Variants in WNT2B observed in about 807,000 individuals in gnomAD.
WNT2B encodes the protein Wnt family member 2B.
WNT2B carries 19 observed loss-of-function variants against 40.5 expected under a neutral mutation model. The ratio of observed to expected loss-of-function variants is 0.47; its 90% CI spans 0.33 to 0.69. The LOEUF is 0.69. Ranked by LOEUF, WNT2B falls within the 30% of genes least tolerant of loss-of-function variation. The pLI is 0.02. For synonymous variants in WNT2B, 220 were observed against 211.9 expected, an observed-to-expected ratio of 1.04 and a Z score of -0.33; for missense variants, 467 against 556.4, an observed-to-expected ratio of 0.84 and a Z score of 1.62.
At chr1:112,478,795 C>T (rs1557907694) in intron 1 of WNT2B, among the ~76,000 whole-genome samples, 1 of 152,108 alleles carries the variant, frequency 6.6e-6, no homozygotes, top group Non-Finnish European at 1.5e-5. Context: ...TGGTGACACA[C>T]TCCTGTAGTC....
Position 112,529,422 on chromosome 1 carries a change from A to G in WNT2B, c.*8913A>G, listed in dbSNP as rs988488848. On this transcript the variant is annotated 3_prime_UTR_variant, in exon 5 of 5. Coordinates refer to ENST00000369684, the MANE Select transcript of WNT2B (RefSeq NM_024494.3). ...TGACAGCACTATGAATTCATTAAGA[A>G]GCATGTTTCAGGTTGCACTGTAATT... The G allele has an allele frequency of 2.0e-5, 3 of 152,216 alleles. No individual in the cohort carries two copies. Among genetic ancestry groups the G allele is most frequent in the African/African-American group, 7.2e-5 (3 of 41,452 alleles). The allele number at this position is 152,216 out of a possible 1,614,324, so 9.4% of individuals were successfully genotyped here.
At chr1:112,474,107 A>G (rs929660154) in intron 1 of WNT2B, among the ~76,000 whole-genome samples, 2 of 151,854 alleles carry the variant, frequency 1.3e-5, no homozygotes, top group African/African-American at 4.8e-5. Context: ...AAGAAACATC[A>G]TAATCAAAAA....
At chr1:112,517,713 C>CTCTG (rs1652630146) in intron 4 of WNT2B, 2 of 256,364 alleles carry the variant, frequency 7.8e-6, no homozygotes, top group South Asian at 2.2e-4. Context: ...GTGGGCTGCA[C>CTCTG]AGAAACATAA....
rs770003431 is a variant in WNT2B at position 112,516,129 on chromosome 1, T to A, written c.404-11T>A. 1.9e-6 allele frequency: 3 copies of A among 1,604,670 alleles called. No individual in the cohort carries two copies. In the South Asian group the frequency reaches 3.3e-5, roughly 18 times the overall value. On this transcript the variant is annotated splice_polypyrimidine_tract_variant and intron_variant, in intron 2 of 4. Transcript: ENST00000369684. ...CTTTCCTGAAGCACACCTCTACAAT[T>A]CTCTCTCTAGGTAGCCGAGAGGCAG...
intron 1 of WNT2B, among the ~76,000 whole-genome samples, chr1:112,491,935 G>A (rs984565703): frequency 6.6e-6 from 1 of 152,044 alleles, no homozygotes; most frequent in African/African-American, 2.4e-5. Context: ...GTTCATAAAT[G>A]TATTAGGGAA....
At position 112,509,741 on chromosome 1, in the gene WNT2B, G is replaced by A. The variant is rs2101082527; in HGVS notation, c.182+297G>A. ...TCAGCTCAAGCCCCTTAGGGCAGAA[G>A]CTACCTTCCGAGTTTCCCTCAGGGT... On this transcript the variant is annotated intron_variant, in intron 1 of 4. Coordinates refer to ENST00000369684, the MANE Select transcript of WNT2B (RefSeq NM_024494.3). The surrounding 1 kb of genome is among the most constrained non-coding windows in gnomAD (Gnocchi z 4.2). Among the ~76,000 whole-genome samples, 1 of 152,322 alleles carries A rather than the reference G, an allele frequency of 6.6e-6. No homozygotes were observed. Among genetic ancestry groups the A allele is most frequent in the South Asian group, 2.1e-4 (1 of 4,830 alleles).
chr1:112,519,584 C>T (rs1264204203), intron 4 of WNT2B, among the ~76,000 whole-genome samples: 1 of 152,058 alleles, frequency 6.6e-6, no homozygotes, highest in Non-Finnish European at 1.5e-5. Flanking sequence ...AAAACATGAT[C>T]CCTATCCTAG....
chr1:112,495,588 C>CAAAAAAAAAAA (rs1172484242), intron 1 of WNT2B, among the ~76,000 whole-genome samples: 1 of 94,524 alleles, frequency 1.1e-5, no homozygotes, highest in African/African-American at 3.5e-5. Context: ...GACTCTGTCT[C>CAAAAAAAAAAA]AAAAAAAAAA....
rs1652885958 is a variant in WNT2B, at chr1:112,521,601, G to GATAC, written c.*1094_*1097dup. The GATAC allele has an allele frequency of 6.6e-6, 1 of 152,286 alleles. No individual in the cohort carries two copies. The highest frequency in any genetic ancestry group is 6.5e-5 in the Admixed American group (1 of 15,284). The allele number at this position is 152,286 out of a possible 1,614,324, so 9.4% of individuals were successfully genotyped here. The stretch of plus-strand genomic sequence containing the variant: ...GAGTACTGCAGGTTGGGGCCAAAGT[G>GATAC]ATACACAGCTTAGAAGGCAGCCTTC... On this transcript the variant is annotated 3_prime_UTR_variant, in exon 5 of 5. Transcript: ENST00000369684.
chr1:112,484,394 A>G (rs1651350213), intron 1 of WNT2B, among the ~76,000 whole-genome samples: 1 of 150,346 alleles, frequency 6.7e-6, no homozygotes, highest in Non-Finnish European at 1.5e-5. Context: ...TCTACTTCCC[A>G]GGCTCAAATG....
intron 1 of WNT2B, among the ~76,000 whole-genome samples, chr1:112,484,928 T>C (rs1265934913): frequency 6.6e-6 from 1 of 152,114 alleles, no homozygotes; most frequent in East Asian, 1.9e-4. Flanking sequence ...TGGAGAGATA[T>C]ACTGTGTTTA....
Position 112,509,018 on chromosome 1 carries a change from C to T in WNT2B, c.-245C>T. The T allele has an allele frequency of 7.4e-7, 1 of 1,347,126 alleles. No homozygotes were observed. Among genetic ancestry groups the T allele is most frequent in the Non-Finnish European group, 9.4e-7 (1 of 1,058,680 alleles). 83.4% of individuals were successfully genotyped at this position (1,347,126 alleles called of 1,614,324 possible). A position where few individuals can be genotyped will look rare whatever the true frequency, so the allele number is the denominator to read the frequency against. On this transcript the variant is annotated 5_prime_UTR_variant, in exon 1 of 5. Coordinates refer to ENST00000369684, the MANE Select transcript of WNT2B (RefSeq NM_024494.3). This position sits in a 1 kb window ranked among gnomAD's most constrained non-coding sequence, Gnocchi z 4.2. ...GCCGCAGACCCCCTGACACCGCACC[C>T]GGTCCTCAGGCAGCGCGCCCCAGAC...
rs1652482890 is a variant in WNT2B, at chr1:112,515,170, A to G, written c.403+76A>G. The G allele has an allele frequency of 6.1e-6, 9 of 1,483,588 alleles. No individual in the cohort carries two copies. The highest frequency in any genetic ancestry group is 8.3e-6 in the Non-Finnish European group (9 of 1,085,930). 91.9% of individuals were successfully genotyped at this position (1,483,588 alleles called of 1,614,324 possible). Reference sequence around the variant, plus strand: ...GTGGTGAGTGGGAAGAGTAGGCAAGATCTCCCCTCTCCTCTCCCACACACT... The same window carrying G: ...GTGGTGAGTGGGAAGAGTAGGCAAGGTCTCCCCTCTCCTCTCCCACACACT... On this transcript the variant is annotated intron_variant, in intron 2 of 4. Transcript: ENST00000369684. This position sits in a 1 kb window ranked among gnomAD's most constrained non-coding sequence, Gnocchi z 4.4.
chr1:112,481,837 C>T (rs960722338), intron 1 of WNT2B, among the ~76,000 whole-genome samples: 1 of 152,014 alleles, frequency 6.6e-6, no homozygotes, highest in African/African-American at 2.4e-5. Context: ...TAAGGAGACC[C>T]CCATATCTAC....
chr1:112,514,475 G>C (rs1251734698), intron 1 of WNT2B, among the ~76,000 whole-genome samples: 37 of 152,216 alleles, frequency 2.4e-4, no homozygotes, highest in Admixed American at 2.4e-3. Flanking sequence ...GGGAGCATAA[G>C]AGTGTTGTCT....
chr1:112,499,261 A>G (rs1336039031), intron 1 of WNT2B, among the ~76,000 whole-genome samples: 1 of 151,944 alleles, frequency 6.6e-6, no homozygotes, highest in African/African-American at 2.4e-5. Flanking sequence ...ATTCTCCACA[A>G]TCTCTTCCAG....
chr1:112,502,067 G>A (rs938846768), intron 1 of WNT2B, among the ~76,000 whole-genome samples: 11 of 152,244 alleles, frequency 7.2e-5, no homozygotes, highest in African/African-American at 2.7e-4. Flanking sequence ...AAAGCTCAGC[G>A]TTCTCCTCCG....
chr1:112,498,152 A>G (rs1161826168), intron 1 of WNT2B, among the ~76,000 whole-genome samples: 4 of 151,238 alleles, frequency 2.6e-5, no homozygotes, highest in African/African-American at 7.3e-5. Context: ...GAGTGAGAAC[A>G]TGCAGTGTTT....
At position 112,524,828 on chromosome 1, in the gene WNT2B, A is replaced by C. The variant is rs1653160475; in HGVS notation, c.*4319A>C. On this transcript the variant is annotated 3_prime_UTR_variant, in exon 5 of 5. Transcript: ENST00000369684. ...CTCAGGCTGCATAGGAGTTCTGCTC[A>C]TCCTCCTCTCCCCAACAATTAAAAA... is the stretch of plus-strand genomic sequence containing the variant. The C allele has an allele frequency of 6.6e-6, 1 of 152,022 alleles. No homozygotes were observed. The highest frequency in any genetic ancestry group is 1.5e-5 in the Non-Finnish European group (1 of 68,046). 9.4% of individuals were successfully genotyped at this position (152,022 alleles called of 1,614,324 possible). A position where few individuals can be genotyped will look rare whatever the true frequency, so the allele number is the denominator to read the frequency against.
Sources: gnomAD v4.1 joint callset for allele counts (sites outside exome capture counted in the v4.1 genomes callset) on GRCh38, gnomAD v4.1.1 for gene constraint, Gnocchi (gnomAD v3.1) non-coding constraint, MANE v1.5 for transcripts, NCBI Gene and HGNC (gene_info 2026-07-23, HGNC 2026-07-21) for gene names.